The following KSR2 variants were observed in gnomAD, a reference collection of about 807,000 sequenced individuals.
The protein encoded by KSR2 is kinase suppressor of ras 2.
In KSR2, 25 loss-of-function variants were observed where a neutral mutation model predicts 107.8. That is an observed-to-expected ratio of 0.23 (90% CI 0.17 to 0.32). KSR2 has a LOEUF of 0.32. Ranked by LOEUF, KSR2 falls within the 10% of genes least tolerant of loss-of-function variation. The pLI, the probability that KSR2 is intolerant of heterozygous loss-of-function variation, is 1.00. For synonymous variants in KSR2, 480 were observed against 507.0 expected, an observed-to-expected ratio of 0.95 and a Z score of 0.71; for missense variants, 887 against 1,268.9, an observed-to-expected ratio of 0.70 and a Z score of 4.57.
At chr12:117,757,632 A>G (rs554596336) in intron 4 of KSR2, among the ~76,000 whole-genome samples, 1 of 152,350 alleles carries the variant, frequency 6.6e-6, no homozygotes, top group Non-Finnish European at 1.5e-5. Context: ...TTCAGCTACC[A>G]TCACCTTGAT....
chr12:117,496,127 C>T (rs1030235475), intron 14 of KSR2, among the ~76,000 whole-genome samples: 2 of 151,990 alleles, frequency 1.3e-5, no homozygotes, highest in Non-Finnish European at 2.9e-5. Context: ...TGGGGTTCTG[C>T]CCATTAGGGG....
rs1253419603 is a variant in KSR2, at chr12:117,860,330, G to A, written c.282C>T (p.His94=). 6.2e-7 allele frequency: 1 copy of A among 1,613,836 alleles called. No homozygotes were observed. Among genetic ancestry groups the A allele is most frequent in the South Asian group, 1.1e-5 (1 of 91,072 alleles). The change falls in exon 2 of 20, where the codon CAC becomes CAT. Residue 94 remains histidine (H), a synonymous_variant. Transcript: ENST00000339824. ...AELDGFPQLR[H]WFRIVDVRKE... is the part of the protein sequence containing the mutation. Reference sequence around the variant, plus strand: ...TGCGCACATCGACGATTCGGAACCAGTGCCGTAGCTGGGGGAAGCCGTCCA... The same window carrying A: ...TGCGCACATCGACGATTCGGAACCAATGCCGTAGCTGGGGGAAGCCGTCCA...
chr12:117,668,897 C>T (rs1884782660), intron 4 of KSR2, among the ~76,000 whole-genome samples: 1 of 152,012 alleles, frequency 6.6e-6, no homozygotes, highest in Non-Finnish European at 1.5e-5. Context: ...CCCAGCAAAA[C>T]GAGTCACATA....
intron 4 of KSR2, among the ~76,000 whole-genome samples, chr12:117,738,831 C>T (rs1283764546): frequency 1.3e-5 from 2 of 152,110 alleles, no homozygotes; most frequent in African/African-American, 4.8e-5. Flanking sequence ...GCCGAGATTG[C>T]GCCACTGCAC....
At chr12:117,872,760 TG>T (rs1367733821) in intron 1 of KSR2, among the ~76,000 whole-genome samples, 1 of 152,136 alleles carries the variant, frequency 6.6e-6, no homozygotes, top group Non-Finnish European at 1.5e-5. Context: ...CCGAAGGATC[TG>T]GGTCCTTGGA....
intron 3 of KSR2, among the ~76,000 whole-genome samples, chr12:117,771,171 C>T (rs575003684): frequency 6.6e-6 from 1 of 152,180 alleles, no homozygotes; most frequent in Non-Finnish European, 1.5e-5. Context: ...AAAAGTCAAG[C>T]TGGGAACTGC....
intron 5 of KSR2, among the ~76,000 whole-genome samples, chr12:117,585,309 G>A (rs1217230654): frequency 2.0e-5 from 3 of 152,170 alleles, no homozygotes; most frequent in Non-Finnish European, 4.4e-5. Context: ...CAACTCAGCA[G>A]AGAACAAATC....
At chr12:117,523,301 C>T (rs1420678089) in intron 14 of KSR2, among the ~76,000 whole-genome samples, 2 of 152,200 alleles carry the variant, frequency 1.3e-5, no homozygotes, top group Admixed American at 6.5e-5. Context: ...AGATGCAAGA[C>T]TTGTGCATTT....
At chr12:117,624,496 A>G (rs4767580) in intron 5 of KSR2, among the ~76,000 whole-genome samples, 138,618 of 152,318 alleles carry the variant, frequency 0.91, 63,336 homozygotes, top group East Asian at 1. Flanking sequence ...CCCATTTCTT[A>G]TTTTTGTCAG....
At chr12:117,787,355 A>T (rs1029740084) in intron 3 of KSR2, among the ~76,000 whole-genome samples, 10 of 152,304 alleles carry the variant, frequency 6.6e-5, no homozygotes, top group Admixed American at 4.6e-4. Flanking sequence ...CCAGTAGGCC[A>T]GGAGCAGTGG....
At chr12:117,863,943 C>T (rs1403570493) in intron 1 of KSR2, among the ~76,000 whole-genome samples, 1 of 152,158 alleles carries the variant, frequency 6.6e-6, no homozygotes, top group African/African-American at 2.4e-5. Flanking sequence ...CTGGGGCCCA[C>T]CCAGACAACC....
intron 5 of KSR2, among the ~76,000 whole-genome samples, chr12:117,632,738 G>A (rs1404298517): frequency 6.6e-6 from 1 of 152,034 alleles, no homozygotes; most frequent in Non-Finnish European, 1.5e-5. Context: ...CTTTCTCTGT[G>A]TCCATGTGTG....
intron 1 of KSR2, among the ~76,000 whole-genome samples, chr12:117,958,267 C>T (rs1225361959): frequency 6.6e-6 from 1 of 152,136 alleles, no homozygotes; most frequent in South Asian, 2.1e-4. Context: ...TCTTAGACAT[C>T]AAAACACTCA....
rs559901265 is a variant in KSR2 at position 117,945,723 on chromosome 12, G to A, written c.180+22353C>T. 2.9e-4 allele frequency among the ~76,000 whole-genome samples: 44 copies of A among 152,142 alleles called. 1 individual carries two copies. The highest frequency in any genetic ancestry group is 4.2e-4 in the South Asian group (2 of 4,810). ...AATAATTGAATTAAACTAGAGGAGC[G>A]ATGTCAGCAAGATGGCTAACTAAAG... On this transcript the variant is annotated intron_variant, in intron 1 of 19. Transcript: ENST00000339824.
At chr12:117,716,480 TA>T (rs1189876174) in intron 4 of KSR2, among the ~76,000 whole-genome samples, 2 of 152,232 alleles carry the variant, frequency 1.3e-5, no homozygotes, top group Non-Finnish European at 2.9e-5. Flanking sequence ...AAACATAATG[TA>T]AAACATCTCA....
chr12:117,761,299 G>A lies in KSR2; in HGVS notation c.698C>T (p.Pro233Leu), dbSNP rs746044341. ...HVDRLTVDAY[P>L]GLCPPPPLES... Reference sequence around the variant, plus strand: ...CAGTGGCGGGGGCGGGCACAAGCCCGGGTAGGCGTCCACGGTAAGCCTGTC... The same window carrying A: ...CAGTGGCGGGGGCGGGCACAAGCCCAGGTAGGCGTCCACGGTAAGCCTGTC... The change falls in exon 4 of 20, where the codon CCG becomes CTG. Residue 233 changes from proline to leucine, a missense_variant. Physicochemically the swap from Pro to Leu is moderately conservative, Grantham distance 98 (BLOSUM62 -3). Around this residue, in one of 8 missense-constraint regions of KSR2, gnomAD observed 399 missense variants for 479.5 expected, o/e 0.83. Coordinates refer to ENST00000339824, the MANE Select transcript of KSR2 (RefSeq NM_173598.6). 14 of 1,521,486 alleles carry A rather than the reference G, an allele frequency of 9.2e-6. No homozygotes were observed. Among genetic ancestry groups the A allele is most frequent in the Admixed American group, 4.6e-5 (2 of 43,646 alleles). The allele number at this position is 1,521,486 out of a possible 1,614,324, so 94.2% of individuals were successfully genotyped here.
Position 117,547,995 on chromosome 12 carries a change from A to G in KSR2, c.1518+7174T>C, listed in dbSNP as rs144861695. 3.4e-3 allele frequency among the ~76,000 whole-genome samples: 513 copies of G among 152,004 alleles called. 2 individuals carry two copies. Among genetic ancestry groups the G allele is most frequent in the African/African-American group, 0.012 (492 of 41,470 alleles). On this transcript the variant is annotated intron_variant, in intron 9 of 19. Transcript: ENST00000339824. Reference sequence around the variant, plus strand: ...GCCTGTAGTCCCAGCTATCTGGGAGACTGAGGCAGGAGAATCGCTTGAACC... The same window carrying G: ...GCCTGTAGTCCCAGCTATCTGGGAGGCTGAGGCAGGAGAATCGCTTGAACC...
At chr12:117,936,828 G>A (rs1003679930) in intron 1 of KSR2, among the ~76,000 whole-genome samples, 2 of 152,100 alleles carry the variant, frequency 1.3e-5, no homozygotes, top group East Asian at 1.9e-4. Flanking sequence ...AACATTGCAC[G>A]GCACATGGCA....
Position 117,465,663 on chromosome 12 carries a change from G to A in KSR2, c.*1536C>T, listed in dbSNP as rs1871110415. The A allele has an allele frequency of 6.6e-6, 1 of 152,236 alleles. No individual in the cohort carries two copies. The highest frequency in any genetic ancestry group is 1.5e-5 in the Non-Finnish European group (1 of 68,076). The allele number at this position is 152,236 out of a possible 1,614,324, so 9.4% of individuals were successfully genotyped here. ...CCTCTCTCTGGCCCTCTAGGAGGGAGATGCCTGGATAGATAGTAGCTACAA... is the reference window on the plus strand; with the variant it reads ...CCTCTCTCTGGCCCTCTAGGAGGGAAATGCCTGGATAGATAGTAGCTACAA... On this transcript the variant is annotated 3_prime_UTR_variant, in exon 20 of 20. Transcript: ENST00000339824.
Sources: gnomAD v4.1 joint callset for allele counts (sites outside exome capture counted in the v4.1 genomes callset) on GRCh38, gnomAD v4.1.1 for gene constraint, gnomAD v4.1.1 regional missense constraint, MANE v1.5 for transcripts, NCBI Gene and HGNC (gene_info 2026-07-23, HGNC 2026-07-21) for gene names.